The following CFAP46 variants were observed in gnomAD, a reference collection of about 807,000 sequenced individuals.
CFAP46 encodes cilia- and flagella-associated protein 46.
In CFAP46, 245 loss-of-function variants were observed where a neutral mutation model predicts 325.7. The ratio of observed to expected loss-of-function variants is 0.75; its 90% CI spans 0.68 to 0.84. The LOEUF (loss-of-function observed/expected upper bound fraction) is 0.84. Ranked by LOEUF, CFAP46 falls within the 40% of genes least tolerant of loss-of-function variation. The pLI is 0.00. For synonymous variants in CFAP46, 1,523 were observed against 1,495.9 expected, an observed-to-expected ratio of 1.02 and a Z score of -0.42; for missense variants, 3,346 against 3,543.0, an observed-to-expected ratio of 0.94 and a Z score of 1.41.
At chr10:132,815,027 AC>A in intron 50 of CFAP46, 113 bp from the exon 51 acceptor site, 1 of 974,624 alleles carries the variant, frequency 1.0e-6, no homozygotes, top group Admixed American at 2.2e-5. Context: ...GAAAAAAAAA[AC>A]AAGTTGTGAG....
chr10:132,821,575 GA>G, intron 50 of CFAP46, among the ~76,000 whole-genome samples: 1 of 139,500 alleles, frequency 7.2e-6, no homozygotes, highest in South Asian at 2.4e-4. Flanking sequence ...TGTGTGCGCT[GA>G]TGTGTGCTGT....
chr10:132,922,433 T>G (rs767619320), intron 12 of CFAP46, 47 bp downstream of exon 12: 5 of 1,500,180 alleles, frequency 3.3e-6, no homozygotes, highest in Admixed American at 2.1e-5. Flanking sequence ...CCCGGCCCCA[T>G]GCTGGGGCTG....
intron 50 of CFAP46, among the ~76,000 whole-genome samples, chr10:132,820,618 CTGA>C (rs1847778815): frequency 6.9e-6 from 1 of 144,594 alleles, no homozygotes; most frequent in African/African-American, 2.6e-5. Flanking sequence ...GCTGTGTGTG[CTGA>C]TGTGTGCTGA....
chr10:132,847,531 G>C lies in CFAP46; in HGVS notation c.5953-210C>G, dbSNP rs1417759039. On this transcript the variant is annotated intron_variant, in intron 41 of 57. Transcript: ENST00000368586. This position sits in a 1 kb window ranked among gnomAD's most constrained non-coding sequence, Gnocchi z 5.2. Reference sequence around the variant, plus strand: ...GCCCTGACCCGTGAGCCTGGGCAAGGGGACGCTGGAGCCTGGGCGAGGGGA... The same window carrying C: ...GCCCTGACCCGTGAGCCTGGGCAAGCGGACGCTGGAGCCTGGGCGAGGGGA... 4.0e-5 allele frequency among the ~76,000 whole-genome samples: 6 copies of C among 151,580 alleles called. No individual in the cohort carries two copies. Among genetic ancestry groups the C allele is most frequent in the Admixed American group, 3.3e-4 (5 of 15,242 alleles).
Position 132,922,699 on chromosome 10 carries a change from C to A in CFAP46, c.1266G>T (p.Thr422=). 1 of 1,546,388 alleles carries A rather than the reference C, an allele frequency of 6.5e-7. No individual in the cohort carries two copies. Among genetic ancestry groups the A allele is most frequent in the South Asian group, 1.2e-5 (1 of 83,984 alleles). The part of the protein sequence containing the change: ...DVLEKLDSLM[T]LLRCQVHMEM... ...CCATGTGCACTTGACAGCGGAGAAG[C>A]GTCATGAGGCTGCGGGGGTGGCGTG... The change falls in exon 12 of 58, where the codon ACG becomes ACT. Residue 422 remains threonine, a synonymous_variant. Coordinates refer to ENST00000368586, the MANE Select transcript of CFAP46 (RefSeq NM_001200049.3).
intron 12 of CFAP46, 125 bp from the exon 13 acceptor site, chr10:132,922,349 C>T (rs892499805): frequency 2.7e-6 from 4 of 1,456,700 alleles, no homozygotes; most frequent in Admixed American, 2.4e-5. Context: ...GACACAGTGA[C>T]AGCTCGGTCC....
intron 55 of CFAP46, 67 bp downstream of exon 55, chr10:132,812,718 T>C: frequency 8.4e-7 from 1 of 1,183,516 alleles, no homozygotes; most frequent in Non-Finnish European, 1.2e-6. Flanking sequence ...ACAGTGGCCC[T>C]GCTCTGCCCT....
intron 4 of CFAP46, among the ~76,000 whole-genome samples, 177 bp downstream of exon 4, chr10:132,940,819 A>G (rs1850086538): frequency 6.6e-6 from 1 of 152,254 alleles, no homozygotes; most frequent in African/African-American, 2.4e-5. Flanking sequence ...GGAATTCGGC[A>G]TGAATGTGGC....
chr10:132,938,486 G>A (rs1850045556), intron 5 of CFAP46, 103 bp downstream of exon 5: 7 of 1,123,406 alleles, frequency 6.2e-6, no homozygotes, highest in Non-Finnish European at 9.0e-6. Flanking sequence ...GTGTGCCCCA[G>A]TGATGTGGAA....
At chr10:132,864,406 T>C (rs1305754460) in intron 35 of CFAP46, among the ~76,000 whole-genome samples, 4 of 93,880 alleles carry the variant, frequency 4.3e-5, no homozygotes, top group Admixed American at 1.1e-4. Flanking sequence ...CTGTCCCCAG[T>C]GCCTGAGACA....
At chr10:132,810,773 C>G in intron 56 of CFAP46, 177 bp downstream of exon 56, 1 of 745,478 alleles carries the variant, frequency 1.3e-6, no homozygotes, top group South Asian at 1.5e-5. Context: ...GCTGAGCCGC[C>G]CCCCTCCCCA....
In CFAP46 at chr10:132,815,030, A is replaced by G. The variant is rs539777374; in HGVS notation, c.7118-116T>C. 1.2e-5 allele frequency: 11 copies of G among 940,854 alleles called. 1 individual carries two copies. In the African/African-American group the frequency reaches 1.6e-4, roughly 14 times the overall value. The allele number at this position is 940,854 out of a possible 1,614,324, so 58.3% of individuals were successfully genotyped here. A position where few individuals can be genotyped will look rare whatever the true frequency, so the allele number is the denominator to read the frequency against. On this transcript the variant is annotated intron_variant, in intron 50 of 57. Coordinates refer to ENST00000368586, the MANE Select transcript of CFAP46 (RefSeq NM_001200049.3). ...TTTCACTTAAATGAAAAAAAAAACA[A>G]GTTGTGAGAACAAGCGGTTTTAATT...
intron 55 of CFAP46, among the ~76,000 whole-genome samples, chr10:132,811,368 C>G (rs1216955140): frequency 6.6e-6 from 1 of 152,170 alleles, no homozygotes; most frequent in African/African-American, 2.4e-5. Context: ...ACCCTGGCAC[C>G]CCACATGAAT....
rs745728570 is a variant in CFAP46 at position 132,876,791 on chromosome 10, C to T, written c.4362+21G>A. The stretch of plus-strand genomic sequence containing the variant: ...CCATGCTGTGACCAAGGTCTTGAGC[C>T]TTTTCTTTATGTCAACGTACCGGCT... On this transcript the variant is annotated intron_variant, in intron 31 of 57. Coordinates refer to ENST00000368586, the MANE Select transcript of CFAP46 (RefSeq NM_001200049.3). The surrounding 1 kb of genome is among the most constrained non-coding windows in gnomAD (Gnocchi z 4.1). 5 of 1,545,120 alleles carry T rather than the reference C, an allele frequency of 3.2e-6. No homozygotes were observed. Among genetic ancestry groups the T allele is most frequent in the Non-Finnish European group, 3.5e-6 (4 of 1,145,280 alleles).
intron 50 of CFAP46, among the ~76,000 whole-genome samples, chr10:132,829,427 C>G (rs1011195796): frequency 2.6e-5 from 4 of 152,246 alleles, no homozygotes; most frequent in Non-Finnish European, 4.4e-5. Context: ...GCCAAAATCA[C>G]TCACTAGTCA....
In CFAP46 at chr10:132,912,597, CCTCTCTCCTCTCT is replaced by C. The variant is rs1849567767; in HGVS notation, c.2499+45_2499+57del. On this transcript the variant is annotated intron_variant, in intron 19 of 57. Transcript: ENST00000368586. Reference sequence around the variant, plus strand: ...CACCTCTCCTCTCCTCTCTCTCTCTCCTCTCTCCTCTCTCTCTCTCTCTCTCTCTCTCTCTCTC... The same window carrying C: ...CACCTCTCCTCTCCTCTCTCTCTCTCCTCTCTCTCTCTCTCTCTCTCTCTC... 3.1e-6 allele frequency: 4 copies of C among 1,281,630 alleles called. No individual in the cohort carries two copies. In the African/African-American group the frequency reaches 6.0e-5, roughly 19 times the overall value. The allele number at this position is 1,281,630 out of a possible 1,614,324, so 79.4% of individuals were successfully genotyped here.
At chr10:132,892,144 T>G (rs11597993) in intron 25 of CFAP46, among the ~76,000 whole-genome samples, 189 bp downstream of exon 25, 1 of 152,326 alleles carries the variant, frequency 6.6e-6, no homozygotes, top group Non-Finnish European at 1.5e-5. Flanking sequence ...GGGAATTTCA[T>G]GGGCTCATTC....
intron 39 of CFAP46, among the ~76,000 whole-genome samples, chr10:132,852,173 TAAGAATTCTCAGATCCTGATCCAC>T (rs1848563775): frequency 1.5e-5 from 2 of 137,894 alleles, no homozygotes; most frequent in Non-Finnish European, 1.6e-5. Context: ...TCCATTTACT[TAAGAATTCTCAGATCCTGATCCAC>T]AGACGTGGTA....
chr10:132,810,770 C>T (rs980130463), intron 56 of CFAP46, 180 bp downstream of exon 56: 29 of 740,982 alleles, frequency 3.9e-5, no homozygotes, highest in African/African-American at 1.2e-4. Flanking sequence ...CCGGCTGAGC[C>T]GCCCCCCTCC....
Sources: allele counts gnomAD v4.1 joint callset (sites outside exome capture counted in the v4.1 genomes callset), GRCh38; gene constraint gnomAD v4.1.1; non-coding constraint Gnocchi (gnomAD v3.1); transcripts MANE v1.5; gene names NCBI Gene and HGNC (gene_info 2026-07-23, HGNC 2026-07-21).